Variants in PRKN observed in about 807,000 individuals in gnomAD.
The protein encoded by PRKN is E3 ubiquitin-protein ligase parkin.
PRKN carries 56 observed loss-of-function variants against 59.5 expected under a neutral mutation model. The ratio of observed to expected loss-of-function variants is 0.94; its 90% CI spans 0.76 to 1.18. The LOEUF (loss-of-function observed/expected upper bound fraction) is 1.18, where lower values mean the gene tolerates loss of function less well. PRKN is among the 50% of genes most tolerant of loss of function. PRKN has a pLI of 0.00. For synonymous variants in PRKN, 250 were observed against 222.1 expected, an observed-to-expected ratio of 1.13 and a Z score of -1.12; for missense variants, 657 against 596.4, an observed-to-expected ratio of 1.10 and a Z score of -1.06.
chr6:161,565,550 T>G (rs1780610353), intron 8 of PRKN, among the ~76,000 whole-genome samples: 1 of 152,162 alleles, frequency 6.6e-6, no homozygotes. Context: ...TATAATTGGC[T>G]GGCATTTCCC....
Position 162,477,992 on chromosome 6 carries a change from C to T in PRKN, c.8-34519G>A, listed in dbSNP as rs182221820. Among the ~76,000 whole-genome samples, 4 of 152,178 alleles carry T rather than the reference C, an allele frequency of 2.6e-5. No homozygotes were observed. In the East Asian group the frequency reaches 7.7e-4, roughly 29 times the overall value. ...AGTGCAGAGTCCCAGAGTGCAGGGT[C>T]CTAAAGCGCAGGGTCCTAGAGCACA... On this transcript the variant is annotated intron_variant, in intron 1 of 11. Coordinates refer to ENST00000366898, the MANE Select transcript of PRKN (RefSeq NM_004562.3).
intron 7 of PRKN, among the ~76,000 whole-genome samples, chr6:161,639,214 G>A (rs1299764056): frequency 6.6e-6 from 1 of 152,120 alleles, no homozygotes; most frequent in Admixed American, 6.6e-5. Context: ...CCAGTCTCAG[G>A]TACAACTTTA....
At chr6:161,785,507 A>AC (rs1171532159) in intron 7 of PRKN, among the ~76,000 whole-genome samples, 21 of 152,122 alleles carry the variant, frequency 1.4e-4, no homozygotes, top group African/African-American at 4.8e-4. Flanking sequence ...CCACAGAAAA[A>AC]CTTAGTATAC....
chr6:161,351,661 G>C (rs558530611), intron 11 of PRKN, among the ~76,000 whole-genome samples: 172 of 152,218 alleles, frequency 1.1e-3, no homozygotes, highest in African/African-American at 3.9e-3. Context: ...GTTCCTTAAT[G>C]CTATCCAAAA....
In PRKN at chr6:161,414,352, A is replaced by G. The variant is rs1332025337; in HGVS notation, c.1084-27475T>C. 2.0e-5 allele frequency among the ~76,000 whole-genome samples: 3 copies of G among 152,090 alleles called. No homozygotes were observed. The highest frequency in any genetic ancestry group is 4.4e-5 in the Non-Finnish European group (3 of 68,032). Reference sequence around the variant, plus strand: ...CGCTCTGTGTCAGGTCCTGGTATTTATTCCCAGATTCTGTTTAGATGCACC... The same window carrying G: ...CGCTCTGTGTCAGGTCCTGGTATTTGTTCCCAGATTCTGTTTAGATGCACC... On this transcript the variant is annotated intron_variant, in intron 9 of 11. Transcript: ENST00000366898. This position sits in a 1 kb window ranked among gnomAD's most constrained non-coding sequence, Gnocchi z 5.3.
At chr6:162,544,981 G>A (rs1353633058) in intron 1 of PRKN, among the ~76,000 whole-genome samples, 3 of 149,302 alleles carry the variant, frequency 2.0e-5, no homozygotes, top group Admixed American at 6.7e-5. Context: ...CCGGCCTCAA[G>A]TTCATTTTAA....
chr6:161,366,781 A>AACTGACTTCCGATTTCTGTC (rs1785216944), intron 10 of PRKN, among the ~76,000 whole-genome samples: 1 of 151,976 alleles, frequency 6.6e-6, no homozygotes, highest in Non-Finnish European at 1.5e-5. Flanking sequence ...GTGTTTCTGT[A>AACTGACTTCCGATTTCTGTC]CCTGACTTCC....
intron 6 of PRKN, among the ~76,000 whole-genome samples, chr6:161,819,072 G>T (rs748734893): frequency 2.0e-5 from 3 of 152,116 alleles, no homozygotes; most frequent in Admixed American, 6.5e-5. Flanking sequence ...ATTATACTCC[G>T]AACTTAGGTG....
Position 162,595,528 on chromosome 6 carries a change from T to C in PRKN, c.7+132134A>G, listed in dbSNP as rs1330105535. Among the ~76,000 whole-genome samples the C allele has an allele frequency of 2.0e-5, 3 of 152,270 alleles. No individual in the cohort carries two copies. In the East Asian group the frequency reaches 5.8e-4, roughly 30 times the overall value. On this transcript the variant is annotated intron_variant, in intron 1 of 11. Coordinates refer to ENST00000366898, the MANE Select transcript of PRKN (RefSeq NM_004562.3). ...GCCGCAGCCTCCCAAAGTGCTGGGA[T>C]TACAGGCGTGAGCCACTGCGCCTGG...
At chr6:162,297,100 C>T (rs1214230370) in intron 2 of PRKN, among the ~76,000 whole-genome samples, 1 of 151,880 alleles carries the variant, frequency 6.6e-6, no homozygotes, top group African/African-American at 2.4e-5. Context: ...AATTTCAAGC[C>T]ATAGCTTAAT....
intron 1 of PRKN, among the ~76,000 whole-genome samples, chr6:162,599,345 T>C (rs917559863): frequency 6.6e-6 from 1 of 152,118 alleles, no homozygotes; most frequent in Non-Finnish European, 1.5e-5. Flanking sequence ...GCCTTGATGG[T>C]GGACCAGGAA....
intron 6 of PRKN, among the ~76,000 whole-genome samples, chr6:161,792,985 A>G (rs1241995598): frequency 6.6e-6 from 1 of 152,234 alleles, no homozygotes; most frequent in African/African-American, 2.4e-5. Context: ...ACTAATTGCC[A>G]AAGTGCACGA....
chr6:161,424,466 C>A (rs1177495249), intron 9 of PRKN, among the ~76,000 whole-genome samples: 2 of 151,870 alleles, frequency 1.3e-5, no homozygotes, highest in East Asian at 3.9e-4. Flanking sequence ...ATGGAGTGAA[C>A]TCAGAAGCAA....
intron 1 of PRKN, among the ~76,000 whole-genome samples, chr6:162,692,568 A>AG (rs1293681369): frequency 3.7e-5 from 2 of 53,444 alleles, no homozygotes; most frequent in African/African-American, 1.4e-4. Flanking sequence ...CCTACAAGAC[A>AG]GACCCCCCCC....
chr6:162,718,404 G>C (rs777125222), intron 1 of PRKN, among the ~76,000 whole-genome samples: 1 of 152,032 alleles, frequency 6.6e-6, no homozygotes, highest in Non-Finnish European at 1.5e-5. Context: ...CTTAGATGTT[G>C]AATCTCCATT....
chr6:162,641,994 T>C (rs2023011), intron 1 of PRKN, among the ~76,000 whole-genome samples: 93,238 of 152,060 alleles, frequency 0.61, 29,312 homozygotes, highest in African/African-American at 0.75. Flanking sequence ...TATGCTGGAA[T>C]ACACTAATAC....
intron 1 of PRKN, among the ~76,000 whole-genome samples, chr6:162,470,172 G>A (rs1791659892): frequency 6.6e-6 from 1 of 152,114 alleles, no homozygotes; most frequent in South Asian, 2.1e-4. Context: ...ATCAGACTCA[G>A]GACTTAAACG....
In PRKN at chr6:161,491,929, G is replaced by A. The variant is rs150204842; in HGVS notation, c.1083+56925C>T. On this transcript the variant is annotated intron_variant, in intron 9 of 11. Transcript: ENST00000366898. ...TTACAGGCGTGAGCCACCGTGCCCG[G>A]CCTATGACTTAACTTCTTTAACCTT... 8.5e-3 allele frequency among the ~76,000 whole-genome samples: 1,298 copies of A among 152,256 alleles called. 23 individuals carry two copies. The highest frequency in any genetic ancestry group is 0.03 in the African/African-American group (1,236 of 41,516).
chr6:162,230,720 T>G (rs1778385049), intron 3 of PRKN, among the ~76,000 whole-genome samples: 1 of 152,212 alleles, frequency 6.6e-6, no homozygotes, highest in African/African-American at 2.4e-5. Flanking sequence ...ATTCTTGCTT[T>G]GCTGTCATGC....
Sources: gnomAD v4.1 joint callset for allele counts (sites outside exome capture counted in the v4.1 genomes callset) on GRCh38, gnomAD v4.1.1 for gene constraint, Gnocchi (gnomAD v3.1) non-coding constraint, MANE v1.5 for transcripts, NCBI Gene and HGNC (gene_info 2026-07-23, HGNC 2026-07-21) for gene names.